Variants in DNAH11 observed in about 807,000 individuals in gnomAD.
DNAH11 encodes axonemal beta dynein heavy chain 11.
Under a neutral mutation model 526.0 loss-of-function variants are expected in DNAH11, and 442 were observed. The ratio of observed to expected loss-of-function variants is 0.84; its 90% CI spans 0.78 to 0.91. DNAH11 has a LOEUF of 0.91. Among genes scored for constraint, DNAH11 ranks in the 40% least tolerant of loss-of-function variants. The probability of loss-of-function intolerance (pLI) is 0.00; values close to 1 mark genes in which losing one functional copy is unlikely to be tolerated. For missense variants in DNAH11, 6,989 were observed against 5,448.7 expected, an observed-to-expected ratio of 1.28 and a Z score of -8.90; for synonymous variants, 2,461 against 1,935.9, an observed-to-expected ratio of 1.27 and a Z score of -7.12.
chr7:21,791,547 C>A (rs1395006448), intron 61 of DNAH11, among the ~76,000 whole-genome samples: 1 of 152,230 alleles, frequency 6.6e-6, no homozygotes, highest in African/African-American at 2.4e-5. Flanking sequence ...CCAAGACCCT[C>A]TGGAGCATCT....
intron 25 of DNAH11, among the ~76,000 whole-genome samples, chr7:21,629,515 G>A (rs1786502420): frequency 6.6e-6 from 1 of 152,072 alleles, no homozygotes; most frequent in African/African-American, 2.4e-5. Flanking sequence ...TTAAAGTCCT[G>A]TACTATCATT....
chr7:21,691,576 GAAA>G (rs1180439930), intron 35 of DNAH11, among the ~76,000 whole-genome samples: 2 of 152,076 alleles, frequency 1.3e-5, no homozygotes, highest in Admixed American at 1.3e-4. Context: ...AAAGAATAAA[GAAA>G]AAGTTACATC....
intron 30 of DNAH11, among the ~76,000 whole-genome samples, chr7:21,672,242 C>T (rs10950869): frequency 0.58 from 88,340 of 151,934 alleles, 26,096 homozygotes; most frequent in Admixed American, 0.7. Flanking sequence ...ATAGCAATTA[C>T]ATTGTAATGT....
intron 54 of DNAH11, among the ~76,000 whole-genome samples, chr7:21,755,884 T>C (rs17145261): frequency 0.047 from 7,215 of 152,242 alleles, 364 homozygotes; most frequent in East Asian, 0.29. Context: ...TATCCACTTA[T>C]AGCTTTTTCC....
rs779353597 is a variant in DNAH11 at position 21,615,143 on chromosome 7, A to G, written c.3882A>G (p.Glu1294=). Reference sequence around the variant, plus strand: ...ATGAAGAGCTTGAGGCCTTAGAAGAAGAAATGTTGCAGATGCAAGAATCTA... The same window carrying G: ...ATGAAGAGCTTGAGGCCTTAGAAGAGGAAATGTTGCAGATGCAAGAATCTA... ...KANEELEALE[E]EMLQMQESTR... Residue 1294 remains glutamate, a synonymous_variant, in exon 21 of 82, where the codon GAA becomes GAG. Coordinates refer to ENST00000409508, the MANE Select transcript of DNAH11 (RefSeq NM_001277115.2). 1.9e-6 allele frequency: 3 copies of G among 1,612,524 alleles called. No homozygotes were observed. Among genetic ancestry groups the G allele is most frequent in the East Asian group, 4.5e-5 (2 of 44,782 alleles).
intron 28 of DNAH11, among the ~76,000 whole-genome samples, chr7:21,652,613 A>C (rs1412508868): frequency 6.6e-6 from 1 of 152,196 alleles, no homozygotes; most frequent in Admixed American, 6.5e-5. Context: ...CAAATTTGTA[A>C]AGGTCATTGT....
intron 39 of DNAH11, among the ~76,000 whole-genome samples, chr7:21,706,899 A>G (rs2128479958): frequency 1.3e-5 from 2 of 152,344 alleles, no homozygotes; most frequent in African/African-American, 4.8e-5. Context: ...GAGTTAAAGT[A>G]TTAATTAATT....
intron 65 of DNAH11, among the ~76,000 whole-genome samples, chr7:21,827,102 A>G (rs988875154): frequency 4.6e-5 from 7 of 152,234 alleles, no homozygotes; most frequent in African/African-American, 9.6e-5. Context: ...GGTTTCATCA[A>G]TAGCACATTA....
chr7:21,805,447 G>C (rs1486068201), intron 62 of DNAH11, among the ~76,000 whole-genome samples: 10 of 152,044 alleles, frequency 6.6e-5, no homozygotes, highest in Non-Finnish European at 1.5e-4. Context: ...AAATGGGTGA[G>C]TTTTGGGAGC....
chr7:21,842,850 A>C (rs1263714030), intron 66 of DNAH11, 102 bp downstream of exon 66: 6 of 1,024,994 alleles, frequency 5.9e-6, no homozygotes, highest in Non-Finnish European at 8.3e-6. Flanking sequence ...GCCCTCTAGA[A>C]TCCTGCAACC....
At chr7:21,570,345 A>G in intron 7 of DNAH11, 46 bp downstream of exon 7, 1 of 1,470,926 alleles carries the variant, frequency 6.8e-7, no homozygotes, top group Non-Finnish European at 9.3e-7. Flanking sequence ...GGTGGGTGCA[A>G]AAAGCCAGTA....
At chr7:21,889,855 G>A (rs1346584627) in intron 76 of DNAH11, among the ~76,000 whole-genome samples, 1 of 152,208 alleles carries the variant, frequency 6.6e-6, no homozygotes, top group South Asian at 2.1e-4. Flanking sequence ...AAAGTCTTGA[G>A]TGGGAAAGGA....
intron 62 of DNAH11, among the ~76,000 whole-genome samples, chr7:21,806,812 A>T (rs1295490233): frequency 6.6e-6 from 1 of 152,192 alleles, no homozygotes; most frequent in Non-Finnish European, 1.5e-5. Context: ...ATTCAAATCC[A>T]ATATTAAGGG....
In DNAH11 at chr7:21,591,438, G is replaced by T. The variant is rs774110249; in HGVS notation, c.2528G>T (p.Gly843Val). Residue 843 changes from glycine (G) to valine (V), a missense_variant, in exon 14 of 82, where the codon GGC (glycine) becomes GTC (valine). By Grantham distance (109) the Gly-to-Val change is moderately radical (BLOSUM62 -3). Transcript: ENST00000409508. ...AAGGTGATCCAGCAGACCATGAGGG[G>T]CTGGGCCAGGTGCGTGCTACCTCCC... ...NVKVIQQTMR[G>V]WARCVLPPRR... 6.2e-7 allele frequency: 1 copy of T among 1,613,838 alleles called. No individual in the cohort carries two copies. Among genetic ancestry groups the T allele is most frequent in the Non-Finnish European group, 8.5e-7 (1 of 1,179,882 alleles).
chr7:21,611,758 T>G (rs1411871305), intron 20 of DNAH11, among the ~76,000 whole-genome samples: 1 of 152,198 alleles, frequency 6.6e-6, no homozygotes, highest in Non-Finnish European at 1.5e-5. Context: ...GTGGATGATG[T>G]CTTTCAATTC....
intron 67 of DNAH11, among the ~76,000 whole-genome samples, chr7:21,853,007 A>G (rs1157341493): frequency 1.3e-5 from 2 of 152,180 alleles, no homozygotes; most frequent in Non-Finnish European, 2.9e-5. Flanking sequence ...GCTGTTGGAC[A>G]TTTTAAAGAA....
chr7:21,887,108 T>A (rs1489489372), intron 76 of DNAH11, among the ~76,000 whole-genome samples: 1 of 152,248 alleles, frequency 6.6e-6, no homozygotes, highest in Admixed American at 6.5e-5. Context: ...TGGAAATTAG[T>A]GTCTTTGGTT....
At chr7:21,575,464 C>G (rs1478200844) in intron 8 of DNAH11, among the ~76,000 whole-genome samples, 1 of 152,230 alleles carries the variant, frequency 6.6e-6, no homozygotes, top group African/African-American at 2.4e-5. Flanking sequence ...TATTGTTCTG[C>G]TGTCACTCAC....
Position 21,868,026 on chromosome 7 carries a change from C to T in DNAH11, c.11839+19C>T, listed in dbSNP as rs746275154. On this transcript the variant is annotated intron_variant, in intron 72 of 81. Coordinates refer to ENST00000409508, the MANE Select transcript of DNAH11 (RefSeq NM_001277115.2). Reference sequence around the variant, plus strand: ...ATTCTTGGTGAGTGGCTGGGAGGCTCGCTGGCCCGCCCCTTCTCCCTCCCT... The same window carrying T: ...ATTCTTGGTGAGTGGCTGGGAGGCTTGCTGGCCCGCCCCTTCTCCCTCCCT... 1.7e-5 allele frequency: 26 copies of T among 1,494,500 alleles called. No individual in the cohort carries two copies. In the East Asian group the frequency reaches 3.0e-4, roughly 17 times the overall value. 92.6% of individuals were successfully genotyped at this position (1,494,500 alleles called of 1,614,324 possible). A position where few individuals can be genotyped will look rare whatever the true frequency, so the allele number is the denominator to read the frequency against.
Sources: gnomAD v4.1 joint callset for allele counts (sites outside exome capture counted in the v4.1 genomes callset) on GRCh38, gnomAD v4.1.1 for gene constraint, MANE v1.5 for transcripts, NCBI Gene and HGNC (gene_info 2026-07-23, HGNC 2026-07-21) for gene names.